Variants in SAMD12 observed in about 807,000 individuals in gnomAD.
The protein encoded by SAMD12 is sterile alpha motif domain-containing protein 12.
Under a neutral mutation model 15.0 loss-of-function variants are expected in SAMD12, and 9 were observed. The observed-to-expected ratio is 0.60, with a 90% confidence interval of 0.36 to 1.05. The LOEUF (loss-of-function observed/expected upper bound fraction) is 1.05, where lower values mean the gene tolerates loss of function less well. SAMD12 is among the 50% of genes least tolerant of loss of function. SAMD12 has a pLI of 0.01. For synonymous variants in SAMD12, 86 were observed against 90.1 expected (o/e 0.96, Z 0.25); for missense variants, 230 against 234.2 (o/e 0.98, Z 0.12).
chr8:118,592,845 C>T (rs1399164892), intron 1 of SAMD12, among the ~76,000 whole-genome samples: 1 of 152,120 alleles, frequency 6.6e-6, no homozygotes, highest in East Asian at 1.9e-4. Flanking sequence ...ATAAAATTCT[C>T]TTGAAGGTTC....
exon 5 of SAMD12, chr8:118,193,327 G>C (rs1478189702): frequency 6.6e-6 from 1 of 152,142 alleles, no homozygotes; most frequent in African/African-American, 2.4e-5. Context: ...CTTCCCAAAA[G>C]CCACCATAGC....
chr8:118,171,279 G>A, the SAMD12 span, among the ~76,000 whole-genome samples: 1 of 152,184 alleles, frequency 6.6e-6, no homozygotes. Flanking sequence ...TCCTTAAAAT[G>A]ATTAGCATAT....
downstream of SAMD12, among the ~76,000 whole-genome samples, chr8:118,185,872 A>G (rs566163749): frequency 1.1e-4 from 16 of 152,196 alleles, no homozygotes; most frequent in Admixed American, 8.5e-4. Flanking sequence ...TTTATACCCC[A>G]GGTTTCCATC....
At position 118,469,645 on chromosome 8, in the gene SAMD12, C is replaced by A. The variant is rs143877846; in HGVS notation, c.193-29684G>T. Among the ~76,000 whole-genome samples the A allele has an allele frequency of 1.9e-4, 27 of 140,348 alleles. 1 individual carries two copies. The East Asian group carries it at 5.6e-3, about 29-fold the overall frequency. 92.1% of individuals were successfully genotyped at this position (140,348 alleles called of 152,430 possible). On this transcript the variant is annotated intron_variant, in intron 2 of 3. Transcript: ENST00000314727. ...TGGCATGATCTCAGCTCACTACAACCTCTGCCTCCCAAGTTCAAGTGATTC... is the reference window on the plus strand; with the variant it reads ...TGGCATGATCTCAGCTCACTACAACATCTGCCTCCCAAGTTCAAGTGATTC...
chr8:118,431,742 G>C (rs1489974367), intron 3 of SAMD12, among the ~76,000 whole-genome samples: 1 of 149,406 alleles, frequency 6.7e-6, no homozygotes, highest in Admixed American at 6.7e-5. Context: ...GAGAAAAGTA[G>C]TTCAAATATT....
At chr8:118,491,233 C>T (rs997634273) in intron 2 of SAMD12, among the ~76,000 whole-genome samples, 2 of 152,178 alleles carry the variant, frequency 1.3e-5, no homozygotes, top group African/African-American at 4.8e-5. Context: ...TCCATCTTTG[C>T]TCTTTCATCT....
chr8:118,152,658 C>G, the SAMD12 span, among the ~76,000 whole-genome samples: 1 of 152,112 alleles, frequency 6.6e-6, no homozygotes, highest in African/African-American at 2.4e-5. Context: ...ACCACCAAAC[C>G]TGGCTAATTT....
intron 4 of SAMD12, chr8:118,197,878 C>T (rs1167390185): frequency 1.3e-6 from 1 of 768,042 alleles, no homozygotes; most frequent in East Asian, 2.5e-5. Flanking sequence ...TACTCAATGC[C>T]AGGATGGATT....
At chr8:118,262,847 G>C (rs1813111248) in intron 4 of SAMD12, among the ~76,000 whole-genome samples, 1 of 152,066 alleles carries the variant, frequency 6.6e-6, no homozygotes, top group Non-Finnish European at 1.5e-5. Flanking sequence ...TTCTAGAATA[G>C]AGCTCAGTTG....
At chr8:118,523,827 G>A (rs1825457846) in intron 2 of SAMD12, among the ~76,000 whole-genome samples, 1 of 152,048 alleles carries the variant, frequency 6.6e-6, no homozygotes, top group African/African-American at 2.4e-5. Context: ...TGAAAACAGA[G>A]AAGCCATCTG....
At chr8:118,499,427 C>T (rs1417655871) in intron 2 of SAMD12, among the ~76,000 whole-genome samples, 2 of 152,200 alleles carry the variant, frequency 1.3e-5, no homozygotes, top group South Asian at 2.1e-4. Flanking sequence ...GGACAATTAA[C>T]CTGACCTATT....
intron 1 of SAMD12, among the ~76,000 whole-genome samples, chr8:118,597,275 G>A (rs1458240916): frequency 6.6e-6 from 1 of 152,084 alleles, no homozygotes; most frequent in African/African-American, 2.4e-5. Context: ...GATTCTTCAG[G>A]GCCCCATCAG....
intron 4 of SAMD12, among the ~76,000 whole-genome samples, chr8:118,321,886 C>T (rs1816302881): frequency 6.6e-6 from 1 of 152,146 alleles, no homozygotes; most frequent in South Asian, 2.1e-4. Flanking sequence ...AATATAAATA[C>T]TTTAGTTGTT....
At chr8:118,318,374 A>C (rs1322822140) in intron 4 of SAMD12, among the ~76,000 whole-genome samples, 1 of 144,130 alleles carries the variant, frequency 6.9e-6, no homozygotes, top group South Asian at 2.2e-4. Flanking sequence ...ACCATGGAAC[A>C]CTACTTGGGC....
intron 1 of SAMD12, among the ~76,000 whole-genome samples, chr8:118,587,580 G>C (rs1827484814): frequency 6.6e-6 from 1 of 152,164 alleles, no homozygotes; most frequent in African/African-American, 2.4e-5. Flanking sequence ...TTCTGGAACT[G>C]ACAAAAGAGG....
At chr8:118,189,388 G>A (rs1353617133), downstream of SAMD12, 2 of 152,278 alleles carry the variant, frequency 1.3e-5, no homozygotes, top group East Asian at 3.9e-4. Context: ...CTGATGAGCT[G>A]AAGAAAATAG....
chr8:118,430,210 T>C (rs1480030498), intron 3 of SAMD12, among the ~76,000 whole-genome samples: 1 of 151,998 alleles, frequency 6.6e-6, no homozygotes, highest in Non-Finnish European at 1.5e-5. Context: ...CATCAGAGAG[T>C]GATGTTGAAG....
At chr8:118,324,105 A>G (rs1005736504) in intron 4 of SAMD12, among the ~76,000 whole-genome samples, 1 of 152,168 alleles carries the variant, frequency 6.6e-6, no homozygotes, top group African/African-American at 2.4e-5. Context: ...GTGCATGTCT[A>G]TTTTTAATAG....
At chr8:118,165,874 C>T in the SAMD12 span, among the ~76,000 whole-genome samples, 3 of 152,094 alleles carry the variant, frequency 2.0e-5, no homozygotes, top group African/African-American at 7.2e-5. Context: ...TCACCTGCCT[C>T]CTAAACCATT....
Sources: allele counts gnomAD v4.1 joint callset (sites outside exome capture counted in the v4.1 genomes callset), GRCh38; gene constraint gnomAD v4.1.1; transcripts MANE v1.5; gene names NCBI Gene and HGNC (gene_info 2026-07-23, HGNC 2026-07-21).